Variants in NCKAP1 observed in about 807,000 individuals in gnomAD.
NCKAP1 encodes the protein NCK associated protein 1, also known as nck-associated protein 1.
Under a neutral mutation model 151.2 loss-of-function variants are expected in NCKAP1, and 21 were observed. The observed-to-expected ratio is 0.14, with a 90% CI of 0.10 to 0.20. The LOEUF is 0.20. Ranked by LOEUF, NCKAP1 falls within the 10% of genes least tolerant of loss-of-function variation. The pLI, the probability that NCKAP1 is intolerant of heterozygous loss-of-function variation, is 1.00. For synonymous variants in NCKAP1, 484 were observed against 451.8 expected (o/e 1.07, Z -0.90); for missense variants, 933 against 1,352.1 (o/e 0.69, Z 4.86).
intron 6 of NCKAP1, among the ~76,000 whole-genome samples, chr2:183,001,043 A>G (rs998100014): frequency 7.2e-5 from 11 of 152,242 alleles, no homozygotes; most frequent in Admixed American, 3.3e-4. Flanking sequence ...CAGTGAGCTG[A>G]GATTGCACCA....
intron 2 of NCKAP1, among the ~76,000 whole-genome samples, chr2:183,011,029 G>A (rs2105883906): frequency 6.6e-6 from 1 of 152,292 alleles, no homozygotes; most frequent in Middle Eastern, 3.4e-3. Flanking sequence ...GATGGCCTCA[G>A]ATGCTACTGA....
chr2:182,976,014 C>T (rs1050445991), intron 15 of NCKAP1, among the ~76,000 whole-genome samples: 6 of 152,042 alleles, frequency 3.9e-5, no homozygotes, highest in African/African-American at 1.4e-4. Flanking sequence ...AAAATATAGG[C>T]CAGTTATTAA....
intron 15 of NCKAP1, among the ~76,000 whole-genome samples, chr2:182,971,165 C>T (rs905526695): frequency 6.6e-6 from 1 of 151,744 alleles, no homozygotes; most frequent in Admixed American, 6.6e-5. Context: ...GAGGCCGAGG[C>T]GGGCGGATCA....
At chr2:182,963,017 C>G (rs1268520407) in intron 17 of NCKAP1, among the ~76,000 whole-genome samples, 1 of 151,936 alleles carries the variant, frequency 6.6e-6, no homozygotes, top group African/African-American at 2.4e-5. Flanking sequence ...TTTTCCTGCC[C>G]TGACCTTCCA....
intron 20 of NCKAP1, among the ~76,000 whole-genome samples, chr2:182,955,235 CATT>C (rs1271579581): frequency 3.3e-5 from 5 of 152,172 alleles, no homozygotes; most frequent in African/African-American, 4.8e-5. Context: ...ATCTTTATCT[CATT>C]ATTACCTAGA....
chr2:182,926,956 G>A (rs764094465), intron 29 of NCKAP1, 51 bp from the exon 30 acceptor site: 105 of 1,262,712 alleles, frequency 8.3e-5, no homozygotes, highest in Non-Finnish European at 1.1e-4. Context: ...AAGGTTCATC[G>A]GTTACTTATT....
At chr2:182,972,246 C>CAAAAAAAAAAAAAAAAAAAAAA (rs1371267779) in intron 15 of NCKAP1, among the ~76,000 whole-genome samples, 1 of 71,650 alleles carries the variant, frequency 1.4e-5, no homozygotes, top group Admixed American at 1.3e-4. Context: ...AAAAAAAAAA[C>CAAAAAAAAAAAAAAAAAAAAAA]AAAACTGATT....
intron 9 of NCKAP1, among the ~76,000 whole-genome samples, chr2:182,988,322 T>C (rs1228925614): frequency 6.6e-6 from 1 of 152,264 alleles, no homozygotes; most frequent in East Asian, 1.9e-4. Flanking sequence ...TATAAGCAAA[T>C]TTCACTGTTA....
chr2:183,036,771 A>C (rs952392503), intron 1 of NCKAP1, among the ~76,000 whole-genome samples: 1 of 152,048 alleles, frequency 6.6e-6, no homozygotes, highest in African/African-American at 2.4e-5. Flanking sequence ...TCAAATTGTA[A>C]AAAATAAATC....
intron 9 of NCKAP1, among the ~76,000 whole-genome samples, chr2:182,987,526 A>G (rs1435391880): frequency 1.3e-5 from 2 of 152,238 alleles, no homozygotes; most frequent in Non-Finnish European, 2.9e-5. Flanking sequence ...TTAATAAAGC[A>G]TAACAAAGAC....
intron 6 of NCKAP1, among the ~76,000 whole-genome samples, chr2:182,996,207 G>T (rs564971270): frequency 6.6e-6 from 1 of 152,100 alleles, no homozygotes; most frequent in Non-Finnish European, 1.5e-5. Context: ...AGTTCCAAAA[G>T]AAAAAGACTT....
intron 2 of NCKAP1, among the ~76,000 whole-genome samples, chr2:183,013,911 C>T (rs1303398981): frequency 6.6e-6 from 1 of 152,168 alleles, no homozygotes; most frequent in Non-Finnish European, 1.5e-5. Context: ...GCACAGAATG[C>T]TCCTCCCCTA....
At chr2:182,981,511 T>C in intron 12 of NCKAP1, 135 bp from the exon 13 acceptor site, 1 of 550,094 alleles carries the variant, frequency 1.8e-6, no homozygotes, top group Non-Finnish European at 3.0e-6. Flanking sequence ...TGTCAATTAC[T>C]TCCTTTTTAA....
chr2:182,952,736 A>G, intron 22 of NCKAP1, 57 bp downstream of exon 22: 1 of 1,477,388 alleles, frequency 6.8e-7, no homozygotes, highest in Admixed American at 2.3e-5. Context: ...GAATCAAGAC[A>G]CTAGCAAAAG....
At chr2:182,981,595 G>A (rs1338098106) in intron 12 of NCKAP1, among the ~76,000 whole-genome samples, 3 of 151,904 alleles carry the variant, frequency 2.0e-5, no homozygotes, top group Non-Finnish European at 2.9e-5. Context: ...GCTAAAAATC[G>A]ACAGCAGAAA....
At chr2:182,933,390 T>TG (rs386392019) in intron 26 of NCKAP1, among the ~76,000 whole-genome samples, 1 of 2,496 alleles carries the variant, frequency 4.0e-4, no homozygotes, top group African/African-American at 1.1e-3. Context: ...TGGCACCACA[T>TG]TTTTTTTTTT....
rs1012890356 is a variant in NCKAP1, at chr2:182,918,476, A to G, written c.*7226T>C. 1.3e-5 allele frequency: 2 copies of G among 152,220 alleles called. No homozygotes were observed. Among genetic ancestry groups the G allele is most frequent in the African/African-American group, 4.8e-5 (2 of 41,468 alleles). 9.4% of individuals were successfully genotyped at this position (152,220 alleles called of 1,614,324 possible). On this transcript the variant is annotated 3_prime_UTR_variant, in exon 31 of 31. Coordinates refer to ENST00000361354, the MANE Select transcript of NCKAP1 (RefSeq NM_013436.5). Reference sequence around the variant, plus strand: ...TGAGTGGACAAAGAAAGTGTGGTATATATACACACCACGGAATACTGTTCA... The same window carrying G: ...TGAGTGGACAAAGAAAGTGTGGTATGTATACACACCACGGAATACTGTTCA...
At chr2:182,984,469 C>T (rs1269811759) in intron 10 of NCKAP1, among the ~76,000 whole-genome samples, 1 of 138,890 alleles carries the variant, frequency 7.2e-6, no homozygotes, top group African/African-American at 2.6e-5. Context: ...GCCAAAAACC[C>T]AAGTATAAAG....
At position 182,912,411 on chromosome 2, in the gene NCKAP1, T is replaced by G. The variant is rs970000049; in HGVS notation, c.*13291A>C. The G allele has an allele frequency of 2.0e-5, 3 of 152,156 alleles. No individual in the cohort carries two copies. The highest frequency in any genetic ancestry group is 7.2e-5 in the African/African-American group (3 of 41,452). 9.4% of individuals were successfully genotyped at this position (152,156 alleles called of 1,614,324 possible). A position where few individuals can be genotyped will look rare whatever the true frequency, so the allele number is the denominator to read the frequency against. The stretch of plus-strand genomic sequence containing the variant: ...AAGATCAAAGAGTTTTCACATGAGC[T>G]CTCTATGTGGCAATGAGATACAAGT... On this transcript the variant is annotated 3_prime_UTR_variant, in exon 31 of 31. Coordinates refer to ENST00000361354, the MANE Select transcript of NCKAP1 (RefSeq NM_013436.5).
Sources: gnomAD v4.1 joint callset for allele counts (sites outside exome capture counted in the v4.1 genomes callset) on GRCh38, gnomAD v4.1.1 for gene constraint, MANE v1.5 for transcripts, NCBI Gene and HGNC (gene_info 2026-07-23, HGNC 2026-07-21) for gene names.